DYSF: variants seen among roughly 807,000 people sequenced by gnomAD.
DYSF encodes the protein dystrophy-associated fer-1-like 1.
Under a neutral mutation model 274.9 loss-of-function variants are expected in DYSF, and 212 were observed. That is an observed-to-expected ratio of 0.77 (90% confidence interval 0.69 to 0.86). The LOEUF (loss-of-function observed/expected upper bound fraction) is 0.86, where lower values mean the gene tolerates loss of function less well. Ranked by LOEUF, DYSF falls within the 40% of genes least tolerant of loss-of-function variation. The pLI is 0.00. For missense variants in DYSF, 2,666 were observed against 2,783.2 expected, an observed-to-expected ratio of 0.96 and a Z score of 0.95; for synonymous variants, 1,091 against 1,078.7, an observed-to-expected ratio of 1.01 and a Z score of -0.22.
chr2:71,516,702 C>G (rs906171984), intron 9 of DYSF, among the ~76,000 whole-genome samples: 1 of 152,224 alleles, frequency 6.6e-6, no homozygotes, highest in Non-Finnish European at 1.5e-5. Context: ...CCTAGTGGCT[C>G]TAAGTGTAGG....
At chr2:71,525,690 G>A (rs977672419) in intron 12 of DYSF, among the ~76,000 whole-genome samples, 2 of 137,952 alleles carry the variant, frequency 1.4e-5, no homozygotes, top group African/African-American at 2.6e-5. Flanking sequence ...TTCGTTTGCT[G>A]AAAGTGTTTT....
At chr2:71,602,615 C>T in intron 35 of DYSF, 161 bp from the exon 36 acceptor site, 3 of 688,280 alleles carry the variant, frequency 4.4e-6, no homozygotes, top group Non-Finnish European at 7.7e-6. Flanking sequence ...CATTCTTACC[C>T]TTGGTGGGAG....
In DYSF at chr2:71,570,611, G is replaced by A; in HGVS notation, c.3098G>A (p.Ser1033Asn). 1.9e-6 allele frequency: 3 copies of A among 1,613,926 alleles called. No individual in the cohort carries two copies. The highest frequency in any genetic ancestry group is 2.5e-6 in the Non-Finnish European group (3 of 1,179,940). The change falls in exon 29 of 56, where the codon AGC becomes AAC. Residue 1033 changes from serine to asparagine, a missense_variant. Ser to Asn is a conservative substitution (Grantham distance 46, BLOSUM62 1). Around this residue, in one of 3 missense-constraint regions of DYSF, gnomAD observed 1,460 missense variants for 1,502.1 expected, o/e 0.97. Coordinates refer to ENST00000410020, the MANE Select transcript of DYSF (RefSeq NM_001130987.2). ...CCCCCTCCCCCAGGCTGGGAGTATAGCATCACCATCCCCCCGGAGCGGAAG... is the reference window on the plus strand; with the variant it reads ...CCCCCTCCCCCAGGCTGGGAGTATAACATCACCATCCCCCCGGAGCGGAAG... ...RAVDEQGWEY[S>N]ITIPPERKPK...
chr2:71,562,364 T>C (rs1255987162), intron 23 of DYSF, among the ~76,000 whole-genome samples: 1 of 152,150 alleles, frequency 6.6e-6, no homozygotes, highest in African/African-American at 2.4e-5. Context: ...GACCCTCTGT[T>C]TCCTGTTGTC....
At chr2:71,564,656 C>T (rs1305103261) in intron 24 of DYSF, among the ~76,000 whole-genome samples, 3 of 152,220 alleles carry the variant, frequency 2.0e-5, no homozygotes, top group Admixed American at 6.5e-5. Flanking sequence ...GTCCTCCCTG[C>T]TGGGAAGGCT....
chr2:71,573,554 A>G (rs553070539), intron 29 of DYSF, among the ~76,000 whole-genome samples: 12 of 152,320 alleles, frequency 7.9e-5, no homozygotes, highest in African/African-American at 2.9e-4. Context: ...AGTTGGGTCT[A>G]GCTCCCAGGG....
chr2:71,479,358 C>G (rs1335479861), intron 1 of DYSF, among the ~76,000 whole-genome samples: 2 of 151,830 alleles, frequency 1.3e-5, no homozygotes, highest in Non-Finnish European at 2.9e-5. Context: ...AGACGTGTCT[C>G]CAGACCTACT....
At chr2:71,645,925 C>G (rs1430910120) in intron 42 of DYSF, among the ~76,000 whole-genome samples, 1 of 152,090 alleles carries the variant, frequency 6.6e-6, no homozygotes, top group Non-Finnish European at 1.5e-5. Context: ...TTGGAGGGGA[C>G]TGGATGAGAG....
intron 52 of DYSF, among the ~76,000 whole-genome samples, chr2:71,675,852 C>A (rs906293752): frequency 1.6e-4 from 25 of 151,932 alleles, no homozygotes; most frequent in African/African-American, 6.0e-4. Flanking sequence ...TTTATATATA[C>A]ACATGTACAT....
chr2:71,473,578 C>T (rs1055983905), intron 1 of DYSF, among the ~76,000 whole-genome samples: 1 of 152,186 alleles, frequency 6.6e-6, no homozygotes, highest in Admixed American at 6.5e-5. Context: ...TTCTCTCTGT[C>T]CCCTCTCTAG....
intron 3 of DYSF, among the ~76,000 whole-genome samples, chr2:71,482,975 T>G (rs572063439): frequency 6.6e-6 from 1 of 151,516 alleles, no homozygotes; most frequent in African/African-American, 2.4e-5. Context: ...TGCCCTGGGG[T>G]GGGGCAGAAG....
chr2:71,503,152 C>T, intron 3 of DYSF, 62 bp from the exon 4 acceptor site: 2 of 1,469,680 alleles, frequency 1.4e-6, no homozygotes, highest in African/African-American at 1.4e-5. Flanking sequence ...AGTGAGGGGT[C>T]TGGCAGAAGA....
At chr2:71,638,474 T>C (rs1021862897) in intron 41 of DYSF, among the ~76,000 whole-genome samples, 1 of 152,094 alleles carries the variant, frequency 6.6e-6, no homozygotes, top group African/African-American at 2.4e-5. Flanking sequence ...AGAGGTTAAG[T>C]AGTGAGCAGT....
intron 24 of DYSF, 46 bp from the exon 25 acceptor site, chr2:71,567,905 G>C: frequency 6.2e-7 from 1 of 1,608,808 alleles, no homozygotes; most frequent in Non-Finnish European, 8.5e-7. Context: ...TGGGACATCC[G>C]GATCCTGAAG....
chr2:71,639,130 T>TG (rs1314978746), intron 41 of DYSF, among the ~76,000 whole-genome samples: 29 of 152,216 alleles, frequency 1.9e-4, no homozygotes, highest in Admixed American at 1.5e-3. Context: ...ATATCTTCTC[T>TG]GGGGAATGTC....
upstream of DYSF, among the ~76,000 whole-genome samples, chr2:71,466,132 C>A (rs374236812): frequency 3.5e-4 from 53 of 152,292 alleles, no homozygotes; most frequent in East Asian, 8.9e-3. Flanking sequence ...GAACGGCCAC[C>A]TAGACAGCCT....
intron 41 of DYSF, among the ~76,000 whole-genome samples, chr2:71,627,808 TA>T (rs2094235314): frequency 6.6e-6 from 1 of 152,300 alleles, no homozygotes; most frequent in Non-Finnish European, 1.5e-5. Flanking sequence ...CTTTTAACAA[TA>T]TGTAGCAAGC....
intron 1 of DYSF, among the ~76,000 whole-genome samples, chr2:71,476,671 TTA>T (rs1394036484): frequency 6.6e-6 from 1 of 152,114 alleles, no homozygotes; most frequent in African/African-American, 2.4e-5. Context: ...AGTAAAAGGA[TTA>T]GTTTGAATCC....
chr2:71,643,432 C>G (rs1222346009), intron 41 of DYSF, among the ~76,000 whole-genome samples: 1 of 152,138 alleles, frequency 6.6e-6, no homozygotes, highest in African/African-American at 2.4e-5. Flanking sequence ...TTGATTTGAC[C>G]TTGGGGAGGT....
Sources: gnomAD v4.1 joint callset for allele counts (sites outside exome capture counted in the v4.1 genomes callset) on GRCh38, gnomAD v4.1.1 for gene constraint, gnomAD v4.1.1 regional missense constraint, MANE v1.5 for transcripts, NCBI Gene and HGNC (gene_info 2026-07-23, HGNC 2026-07-21) for gene names.